The following RELCH variants were observed in gnomAD, a reference collection of about 807,000 sequenced individuals.
RELCH encodes the protein RAB11 binding and LisH domain, coiled-coil and HEAT repeat containing, also known as RAB11-binding protein RELCH.
Under a neutral mutation model 150.3 loss-of-function variants are expected in RELCH, and 41 were observed. The observed-to-expected ratio is 0.27, with a 90% CI of 0.21 to 0.35. The LOEUF is 0.35. RELCH is among the 10% of genes least tolerant of loss of function. The pLI is 1.00. For synonymous variants in RELCH, 478 were observed against 531.8 expected (o/e 0.90, Z 1.39); for missense variants, 1,092 against 1,467.8 (o/e 0.74, Z 4.18).
chr18:62,252,540 T>C, intron 11 of RELCH, 124 bp from the exon 12 acceptor site: 1 of 688,308 alleles, frequency 1.5e-6, no homozygotes, highest in Non-Finnish European at 2.5e-6. Flanking sequence ...AAATAAAAAG[T>C]CTAATTTGAT....
At chr18:62,191,114 T>C (rs1016660594) in intron 1 of RELCH, among the ~76,000 whole-genome samples, 2 of 152,252 alleles carry the variant, frequency 1.3e-5, no homozygotes, top group African/African-American at 4.8e-5. Context: ...AAGACATTTG[T>C]GTTTTTTCCA....
intron 10 of RELCH, among the ~76,000 whole-genome samples, chr18:62,238,609 T>C (rs769916869): frequency 8.5e-5 from 13 of 152,178 alleles, no homozygotes; most frequent in Non-Finnish European, 7.4e-5. Context: ...AAATATGTTC[T>C]ATCAGCTAGC....
chr18:62,282,194 A>AG, intron 24 of RELCH, 112 bp from the exon 25 acceptor site: 1 of 748,984 alleles, frequency 1.3e-6, no homozygotes, highest in South Asian at 1.7e-5. Context: ...ATTGGACTAT[A>AG]GGTTGCTTTA....
chr18:62,255,596 A>G (rs1048330828), intron 13 of RELCH, 118 bp downstream of exon 13: 34 of 734,564 alleles, frequency 4.6e-5, no homozygotes, highest in Non-Finnish European at 6.1e-5. Context: ...TTAATAAAGA[A>G]AAGAGATGAT....
At chr18:62,244,465 T>C (rs1232866296) in intron 10 of RELCH, among the ~76,000 whole-genome samples, 1 of 152,206 alleles carries the variant, frequency 6.6e-6, no homozygotes, top group African/African-American at 2.4e-5. Flanking sequence ...TGTCACATGA[T>C]GGAATGTTAT....
chr18:62,187,386 A>AG lies in RELCH; in HGVS notation c.-118dup. 1 of 905,168 alleles carries AG rather than the reference A, an allele frequency of 1.1e-6. No homozygotes were observed. Among genetic ancestry groups the AG allele is most frequent in the Admixed American group, 2.8e-5 (1 of 36,330 alleles). The allele number at this position is 905,168 out of a possible 1,614,324, so 56.1% of individuals were successfully genotyped here. ...GCGTACTCCTTGTCTCTAAGTCGGGAGGCAGGACGTGGTCAGGCCGGGGCT... is the reference window on the plus strand; with the variant it reads ...GCGTACTCCTTGTCTCTAAGTCGGGAGGGCAGGACGTGGTCAGGCCGGGGCT... On this transcript the variant is annotated 5_prime_UTR_variant, in exon 1 of 29. Transcript: ENST00000644646.
chr18:62,192,474 C>G lies in RELCH; in HGVS notation c.526+4443C>G, dbSNP rs538715055. The stretch of plus-strand genomic sequence containing the variant: ...TGAAATATTTGCCCGTGCCTATGTC[C>G]TGAATGGTATTGCCTAGATTTTCTT... On this transcript the variant is annotated intron_variant, in intron 1 of 28. Transcript: ENST00000644646. Among the ~76,000 whole-genome samples, 3 of 152,316 alleles carry G rather than the reference C, an allele frequency of 2.0e-5. 1 individual carries two copies. The South Asian group carries it at 6.2e-4, about 32-fold the overall frequency.
intron 10 of RELCH, among the ~76,000 whole-genome samples, chr18:62,233,063 A>G (rs1418819681): frequency 2.6e-5 from 4 of 151,860 alleles, no homozygotes; most frequent in African/African-American, 9.7e-5. Flanking sequence ...TTGACTCCAC[A>G]TAGCCTATGT....
chr18:62,194,065 A>G (rs1377455478), intron 1 of RELCH, among the ~76,000 whole-genome samples: 1 of 152,064 alleles, frequency 6.6e-6, no homozygotes, highest in Non-Finnish European at 1.5e-5. Context: ...GGGCAACATG[A>G]CAAAACTCCG....
In RELCH at chr18:62,307,166, A is replaced by G. The variant is rs2045904726; in HGVS notation, c.*1632A>G. ...TTTTACTTTCGTTTTGAAACACTATACTTTCTATTAAGCAAAAAAATGAGA... is the reference window on the plus strand; with the variant it reads ...TTTTACTTTCGTTTTGAAACACTATGCTTTCTATTAAGCAAAAAAATGAGA... On this transcript the variant is annotated 3_prime_UTR_variant, in exon 29 of 29. Coordinates refer to ENST00000644646, the MANE Select transcript of RELCH (RefSeq NM_001346231.2). 6.6e-6 allele frequency: 1 copy of G among 152,126 alleles called. No individual in the cohort carries two copies. Among genetic ancestry groups the G allele is most frequent in the Admixed American group, 6.5e-5 (1 of 15,272 alleles). The allele number at this position is 152,126 out of a possible 1,614,324, so 9.4% of individuals were successfully genotyped here.
chr18:62,291,748 G>A, intron 27 of RELCH, 117 bp downstream of exon 27: 1 of 650,458 alleles, frequency 1.5e-6, no homozygotes, highest in Non-Finnish European at 2.6e-6. Flanking sequence ...CTAGCTCAAT[G>A]TCATTTTATC....
chr18:62,259,932 A>C (rs1018819040), intron 15 of RELCH, among the ~76,000 whole-genome samples: 29 of 152,004 alleles, frequency 1.9e-4, no homozygotes, highest in Non-Finnish European at 4.0e-4. Context: ...AAAGACTTAA[A>C]TGTAAGACAT....
intron 1 of RELCH, among the ~76,000 whole-genome samples, chr18:62,193,706 A>G (rs1030830367): frequency 1.3e-5 from 2 of 152,220 alleles, no homozygotes; most frequent in Non-Finnish European, 2.9e-5. Context: ...CAACTCAGGG[A>G]TGAAGCCAAC....
intron 8 of RELCH, among the ~76,000 whole-genome samples, chr18:62,229,522 C>G (rs9955479): frequency 0.017 from 1,347 of 81,102 alleles, 11 homozygotes; most frequent in African/African-American, 0.024. Context: ...GTGTGTGTGT[C>G]TGTCTGTCTG....
chr18:62,227,233 A>G, intron 5 of RELCH, 56 bp from the exon 6 acceptor site: 1 of 1,237,444 alleles, frequency 8.1e-7, no homozygotes, highest in Non-Finnish European at 1.1e-6. Flanking sequence ...ATGAATTTCA[A>G]AAATGTAAGA....
chr18:62,190,413 C>T (rs1417130085), intron 1 of RELCH, among the ~76,000 whole-genome samples: 1 of 152,016 alleles, frequency 6.6e-6, no homozygotes, highest in Non-Finnish European at 1.5e-5. Context: ...CCCTTCTCTA[C>T]TAAAAATACA....
intron 11 of RELCH, among the ~76,000 whole-genome samples, chr18:62,248,654 A>G (rs2042544775): frequency 6.6e-6 from 1 of 152,178 alleles, no homozygotes; most frequent in Non-Finnish European, 1.5e-5. Context: ...TTTAATGGTT[A>G]TGCTTTATTA....
At position 62,261,544 on chromosome 18, in the gene RELCH, C is replaced by T; in HGVS notation, c.2236C>T (p.His746Tyr). ...ACATGGACTGGATGAACACAAACTC[C>T]ACATGTATCTTTCTGCCTTGCAGTC... ...GEHGLDEHKL[H>Y]MYLSALQSLI... is the part of the protein sequence containing the mutation. Residue 746 changes from histidine (H) to tyrosine (Y), a missense_variant, in exon 16 of 29, where the codon CAC becomes TAC. Around this residue, in one of 4 missense-constraint regions of RELCH, gnomAD observed 707 missense variants for 1,025.4 expected, o/e 0.69. Coordinates refer to ENST00000644646, the MANE Select transcript of RELCH (RefSeq NM_001346231.2). 1 of 1,611,970 alleles carries T rather than the reference C, an allele frequency of 6.2e-7. No homozygotes were observed. Among genetic ancestry groups the T allele is most frequent in the East Asian group, 2.2e-5 (1 of 44,794 alleles).
chr18:62,192,377 A>G (rs181988544), intron 1 of RELCH, among the ~76,000 whole-genome samples: 25 of 152,330 alleles, frequency 1.6e-4, no homozygotes, highest in African/African-American at 5.3e-4. Flanking sequence ...GCTGTGCAGA[A>G]GCTCTTAAGT....
Sources: gnomAD v4.1 joint callset for allele counts (sites outside exome capture counted in the v4.1 genomes callset) on GRCh38, gnomAD v4.1.1 for gene constraint, gnomAD v4.1.1 regional missense constraint, MANE v1.5 for transcripts, NCBI Gene and HGNC (gene_info 2026-07-23, HGNC 2026-07-21) for gene names.